RASA2: variants seen among roughly 807,000 people sequenced by gnomAD.
RASA2 encodes the protein RAS p21 protein activator 2.
In RASA2, 155 loss-of-function variants were observed where a neutral mutation model predicts 118.2. That is an observed-to-expected ratio of 1.31 (90% CI 1.15 to 1.50). The LOEUF (loss-of-function observed/expected upper bound fraction) is 1.50, where lower values mean the gene tolerates loss of function less well. Among genes scored for constraint, RASA2 ranks in the 40% most tolerant of loss-of-function variants. The pLI is 0.00. For synonymous variants in RASA2, 353 were observed against 349.1 expected, an observed-to-expected ratio of 1.01 and a Z score of -0.12; for missense variants, 1,016 against 1,009.6, an observed-to-expected ratio of 1.01 and a Z score of -0.09.
In RASA2 at chr3:141,573,961, T is replaced by C; in HGVS notation, c.1377T>C (p.Tyr459=). 2 of 1,587,768 alleles carry C rather than the reference T, an allele frequency of 1.3e-6. No individual in the cohort carries two copies. The highest frequency in any genetic ancestry group is 1.7e-6 in the Non-Finnish European group (2 of 1,164,192). The change falls in exon 14 of 24, where the codon TAT becomes TAC. Residue 459 remains tyrosine, a synonymous_variant. Transcript: ENST00000286364. ...TCCTGCAGGAGAATCTGCGCTACTA[T>C]GTAGACAAGTTATTCAATACAATTG... ...VENNKENLRY[Y]VDKLFNTIVK... is the part of the protein sequence containing the mutation.
chr3:141,571,264 C>T, intron 10 of RASA2, 142 bp from the exon 11 acceptor site: 1 of 1,291,028 alleles, frequency 7.7e-7, no homozygotes, highest in Non-Finnish European at 1.1e-6. Context: ...CCACAATCAT[C>T]TCTGATAAAA....
intron 1 of RASA2, among the ~76,000 whole-genome samples, chr3:141,494,174 G>A (rs111345911): frequency 6.6e-6 from 1 of 152,120 alleles, no homozygotes; most frequent in Non-Finnish European, 1.5e-5. Flanking sequence ...GTGTCTTTTT[G>A]TAGGATACAT....
chr3:141,580,083 A>AT (rs1219468374), intron 15 of RASA2, among the ~76,000 whole-genome samples: 104 of 82,492 alleles, frequency 1.3e-3, no homozygotes, highest in East Asian at 7.6e-3. Context: ...AAAAAAAAAA[A>AT]AAATATATAT....
chr3:141,547,569 ATTTG>A (rs1279896604), intron 5 of RASA2, among the ~76,000 whole-genome samples: 4 of 152,164 alleles, frequency 2.6e-5, no homozygotes, highest in Admixed American at 1.3e-4. Context: ...ACTTTACTAA[ATTTG>A]TTTATCAGTT....
chr3:141,511,708 A>G (rs76483868), intron 1 of RASA2, among the ~76,000 whole-genome samples: 4,778 of 152,232 alleles, frequency 0.031, 268 homozygotes, highest in African/African-American at 0.11. Flanking sequence ...GACAACGACT[A>G]GAGATGATGC....
At chr3:141,601,359 C>G (rs941108978) in intron 19 of RASA2, among the ~76,000 whole-genome samples, 1 of 151,890 alleles carries the variant, frequency 6.6e-6, no homozygotes, top group Non-Finnish European at 1.5e-5. Context: ...TGCTTGAACT[C>G]GGGAGGCAGA....
chr3:141,534,144 G>A (rs567441033), intron 4 of RASA2, among the ~76,000 whole-genome samples: 5 of 152,264 alleles, frequency 3.3e-5, no homozygotes, highest in Middle Eastern at 3.4e-3. Context: ...AACTACAGCC[G>A]TGCTATTAGT....
intron 1 of RASA2, among the ~76,000 whole-genome samples, chr3:141,500,175 A>G (rs2081758185): frequency 6.6e-6 from 1 of 152,226 alleles, no homozygotes; most frequent in African/African-American, 2.4e-5. Context: ...GGAAGGAAAT[A>G]ACAGCTACAT....
At chr3:141,605,139 C>T (rs911601834) in intron 19 of RASA2, among the ~76,000 whole-genome samples, 9 of 151,940 alleles carry the variant, frequency 5.9e-5, no homozygotes, top group African/African-American at 2.2e-4. Context: ...TGTTTTTCTG[C>T]CTAGTATTTA....
At chr3:141,560,049 A>G in intron 9 of RASA2, 54 bp downstream of exon 9, 1 of 1,356,374 alleles carries the variant, frequency 7.4e-7, no homozygotes. Flanking sequence ...TTAGTACAGT[A>G]TATATATGCA....
chr3:141,573,079 A>G, intron 12 of RASA2, 68 bp from the exon 13 acceptor site: 2 of 1,325,424 alleles, frequency 1.5e-6, no homozygotes, highest in Non-Finnish European at 2.0e-6. Context: ...ATTATCAGAA[A>G]AATAAGTTAT....
intron 1 of RASA2, among the ~76,000 whole-genome samples, chr3:141,491,028 A>T (rs1038386150): frequency 1.3e-5 from 2 of 152,238 alleles, no homozygotes; most frequent in African/African-American, 4.8e-5. Context: ...TGTCCAATGT[A>T]TACTGGAGTT....
intron 5 of RASA2, among the ~76,000 whole-genome samples, chr3:141,548,574 T>C (rs1046569663): frequency 6.6e-6 from 1 of 152,214 alleles, no homozygotes; most frequent in Non-Finnish European, 1.5e-5. Flanking sequence ...CTTATAGATA[T>C]TCTGAAATTC....
intron 1 of RASA2, among the ~76,000 whole-genome samples, chr3:141,493,924 A>T (rs575550345): frequency 6.6e-6 from 1 of 152,212 alleles, no homozygotes; most frequent in African/African-American, 2.4e-5. Context: ...AGCAAAATAT[A>T]TACATTTTTC....
intron 1 of RASA2, among the ~76,000 whole-genome samples, chr3:141,489,287 C>T (rs1472078447): frequency 2.0e-5 from 3 of 152,056 alleles, no homozygotes; most frequent in Non-Finnish European, 4.4e-5. Context: ...TTTCTTTGTC[C>T]TCCTTTTAAA....
chr3:141,568,695 T>C (rs1208165203), intron 9 of RASA2, among the ~76,000 whole-genome samples: 1 of 152,088 alleles, frequency 6.6e-6, no homozygotes, highest in Non-Finnish European at 1.5e-5. Context: ...AGATTCTTTC[T>C]TAGTTCTTGA....
intron 2 of RASA2, among the ~76,000 whole-genome samples, chr3:141,515,262 A>T (rs890439972): frequency 1.1e-4 from 17 of 152,118 alleles, no homozygotes; most frequent in Non-Finnish European, 1.9e-4. Context: ...TTAAAAAAAA[A>T]TTTTGAAGTA....
intron 19 of RASA2, among the ~76,000 whole-genome samples, chr3:141,594,299 A>G (rs1411634447): frequency 6.6e-6 from 1 of 152,064 alleles, no homozygotes; most frequent in Non-Finnish European, 1.5e-5. Context: ...AATATCAGGT[A>G]GTCTAACATA....
At chr3:141,571,582 A>G in intron 11 of RASA2, 28 bp downstream of exon 11, 2 of 1,570,706 alleles carry the variant, frequency 1.3e-6, no homozygotes, top group African/African-American at 1.4e-5. Flanking sequence ...TTAAATGTTA[A>G]TTACATGTTG....
Sources: gnomAD v4.1 joint callset for allele counts (sites outside exome capture counted in the v4.1 genomes callset) on GRCh38, gnomAD v4.1.1 for gene constraint, MANE v1.5 for transcripts, NCBI Gene and HGNC (gene_info 2026-07-23, HGNC 2026-07-21) for gene names.